The following SGCG variants were observed in gnomAD, a reference collection of about 807,000 sequenced individuals.
The protein encoded by SGCG is sarcoglycan gamma.
In SGCG, 26 loss-of-function variants were observed where a neutral mutation model predicts 29.3. The ratio of observed to expected loss-of-function variants is 0.89; its 90% CI spans 0.65 to 1.23. The LOEUF (loss-of-function observed/expected upper bound fraction) is 1.23. Ranked by LOEUF, SGCG falls within the 50% of genes most tolerant of loss-of-function variation. The probability of loss-of-function intolerance (pLI) is 0.00; values close to 1 mark genes in which losing one functional copy is unlikely to be tolerated. For missense variants in SGCG, 353 were observed against 356.0 expected, an observed-to-expected ratio of 0.99 and a Z score of 0.07; for synonymous variants, 145 against 129.7, an observed-to-expected ratio of 1.12 and a Z score of -0.80.
intron 5 of SGCG, among the ~76,000 whole-genome samples, chr13:23,293,884 A>G (rs997217022): frequency 1.3e-5 from 2 of 151,854 alleles, no homozygotes; most frequent in African/African-American, 2.4e-5. Flanking sequence ...TTTGCCCAGG[A>G]TGAGGATTTC....
chr13:23,303,671 C>T (rs1036847569), intron 6 of SGCG, among the ~76,000 whole-genome samples: 1 of 152,216 alleles, frequency 6.6e-6, no homozygotes, highest in Non-Finnish European at 1.5e-5. Flanking sequence ...AACTGCTCCC[C>T]TATATATGGG....
At chr13:23,184,628 A>T (rs1365678071) in intron 1 of SGCG, among the ~76,000 whole-genome samples, 1 of 152,210 alleles carries the variant, frequency 6.6e-6, no homozygotes, top group African/African-American at 2.4e-5. Flanking sequence ...TCACAGGGCT[A>T]GTACATAATG....
chr13:23,202,409 G>A (rs957588558), intron 1 of SGCG, among the ~76,000 whole-genome samples: 15 of 152,172 alleles, frequency 9.9e-5, no homozygotes, highest in African/African-American at 3.6e-4. Flanking sequence ...GAAATGTAGA[G>A]ATGTAGACAG....
At chr13:23,261,337 A>G (rs1488515786) in intron 4 of SGCG, among the ~76,000 whole-genome samples, 2 of 152,088 alleles carry the variant, frequency 1.3e-5, no homozygotes, top group Non-Finnish European at 2.9e-5. Flanking sequence ...TGGAAATGAA[A>G]GACACATTTA....
At chr13:23,242,116 T>C (rs1052582658) in intron 3 of SGCG, among the ~76,000 whole-genome samples, 4 of 152,132 alleles carry the variant, frequency 2.6e-5, no homozygotes, top group Non-Finnish European at 1.5e-5. Context: ...CCACAGACAT[T>C]CAAAGAATGG....
At chr13:23,201,001 A>G (rs922111632) in intron 1 of SGCG, among the ~76,000 whole-genome samples, 2 of 151,956 alleles carry the variant, frequency 1.3e-5, no homozygotes, top group African/African-American at 4.8e-5. Flanking sequence ...AAGCCACGGG[A>G]AGGTTTGTTG....
chr13:23,279,478 G>T lies in SGCG; in HGVS notation c.505G>T (p.Gly169Trp). 6.2e-7 allele frequency: 1 copy of T among 1,612,436 alleles called. No individual in the cohort carries two copies. Among genetic ancestry groups the T allele is most frequent in the South Asian group, 1.1e-5 (1 of 90,920 alleles). ...TGGTACAGATAAACTTCGAGTAACT[G>T]GTATGTACTAACTCGAGAAAAACAC... is the stretch of plus-strand genomic sequence containing the variant. ...VVGTDKLRVTGPEGALFEHSV... is the reference protein window; with the variant it reads ...VVGTDKLRVTWPEGALFEHSV... Residue 169 changes from glycine to tryptophan, a missense_variant and splice_region_variant, in exon 5 of 8, where the codon GGG becomes TGG. By Grantham distance (184) the Gly-to-Trp change is radical. Transcript: ENST00000218867.
intron 6 of SGCG, among the ~76,000 whole-genome samples, chr13:23,317,138 T>A (rs542561631): frequency 6.3e-4 from 96 of 151,546 alleles, no homozygotes; most frequent in African/African-American, 2.2e-3. Context: ...GAGCTTGTAG[T>A]GAGCCGAGAC....
chr13:23,308,722 G>A (rs1190538574), intron 6 of SGCG, among the ~76,000 whole-genome samples: 1 of 152,038 alleles, frequency 6.6e-6, no homozygotes, highest in East Asian at 1.9e-4. Flanking sequence ...ATGCCACCAT[G>A]TCCAGCTAAT....
intron 5 of SGCG, among the ~76,000 whole-genome samples, chr13:23,294,087 G>A (rs1881818290): frequency 6.6e-6 from 1 of 152,186 alleles, no homozygotes; most frequent in Non-Finnish European, 1.5e-5. Flanking sequence ...AGAGGAAAGT[G>A]CACAGTGTGA....
chr13:23,210,103 A>C (rs9580573), intron 2 of SGCG, among the ~76,000 whole-genome samples: 33,413 of 152,170 alleles, frequency 0.22, 3,806 homozygotes, highest in East Asian at 0.37. Context: ...TTAAATAACT[A>C]GGGAAGCAGC....
At chr13:23,170,316 A>G in the SGCG span, among the ~76,000 whole-genome samples, 2 of 152,206 alleles carry the variant, frequency 1.3e-5, no homozygotes, top group East Asian at 1.9e-4. Flanking sequence ...CTCCTTTCCT[A>G]TGAAAACAAA....
At chr13:23,300,984 C>T (rs1445945706) in intron 6 of SGCG, among the ~76,000 whole-genome samples, 1 of 152,176 alleles carries the variant, frequency 6.6e-6, no homozygotes, top group Non-Finnish European at 1.5e-5. Flanking sequence ...GGTGTGGTGG[C>T]AGGCACCTGT....
chr13:23,299,444 A>ATTT (rs1566037511), intron 6 of SGCG, among the ~76,000 whole-genome samples: 3 of 5,636 alleles, frequency 5.3e-4, no homozygotes, highest in Non-Finnish European at 1.0e-3. Flanking sequence ...ATATATATAT[A>ATTT]TATATATATA....
intron 6 of SGCG, among the ~76,000 whole-genome samples, chr13:23,304,608 G>A (rs528567803): frequency 2.7e-5 from 4 of 150,438 alleles, no homozygotes; most frequent in Admixed American, 6.6e-5. Context: ...TTTTTTTGGC[G>A]GCGGGGAGGG....
intron 5 of SGCG, among the ~76,000 whole-genome samples, chr13:23,281,173 A>G (rs898427017): frequency 2.0e-5 from 3 of 151,762 alleles, no homozygotes; most frequent in Non-Finnish European, 4.4e-5. Context: ...CATCTCTACA[A>G]AAGAAAAAGT....
At chr13:23,223,330 C>T (rs6490788) in intron 2 of SGCG, among the ~76,000 whole-genome samples, 88,449 of 148,426 alleles carry the variant, frequency 0.6, 27,045 homozygotes, top group East Asian at 0.86. Context: ...TTTTATGCCC[C>T]TACATTCTCC....
intron 3 of SGCG, among the ~76,000 whole-genome samples, chr13:23,242,632 T>C (rs1276387918): frequency 1.3e-5 from 2 of 152,188 alleles, no homozygotes; most frequent in African/African-American, 4.8e-5. Flanking sequence ...CTTGCTGTCA[T>C]TCTCTAAATG....
At chr13:23,217,800 T>C (rs1878490228) in intron 2 of SGCG, among the ~76,000 whole-genome samples, 2 of 151,816 alleles carry the variant, frequency 1.3e-5, no homozygotes, top group African/African-American at 2.4e-5. Context: ...AAAATGAGAG[T>C]TAGGATTTAT....
Sources: allele counts gnomAD v4.1 joint callset (sites outside exome capture counted in the v4.1 genomes callset), GRCh38; gene constraint gnomAD v4.1.1; transcripts MANE v1.5; gene names NCBI Gene and HGNC (gene_info 2026-07-23, HGNC 2026-07-21).